The following SGCD variants were observed in gnomAD, a reference collection of about 807,000 sequenced individuals.
SGCD encodes delta-sarcoglycan.
In SGCD, 18 loss-of-function variants were observed where a neutral mutation model predicts 36.6. The ratio of observed to expected loss-of-function variants is 0.49; its 90% confidence interval spans 0.34 to 0.73. The LOEUF is 0.73. Ranked by LOEUF, SGCD falls within the 30% of genes least tolerant of loss-of-function variation. The pLI, the probability that SGCD is intolerant of heterozygous loss-of-function variation, is 0.01. For missense variants in SGCD, 387 were observed against 346.7 expected (o/e 1.12, Z -0.92); for synonymous variants, 133 against 130.6 (o/e 1.02, Z -0.12).
At chr5:156,506,599 A>G (rs1393095283) in intron 3 of SGCD, among the ~76,000 whole-genome samples, 1 of 152,184 alleles carries the variant, frequency 6.6e-6, no homozygotes, top group Non-Finnish European at 1.5e-5. Context: ...CTACGTGGCT[A>G]TATTAAAAGG....
chr5:156,259,587 C>T (rs1163883572), intron 3 of SGCD, among the ~76,000 whole-genome samples: 1 of 151,974 alleles, frequency 6.6e-6, no homozygotes, highest in East Asian at 1.9e-4. Flanking sequence ...GGTTTGTGAT[C>T]CATATCAAAT....
intron 1 of SGCD, among the ~76,000 whole-genome samples, chr5:156,075,745 A>G (rs568512632): frequency 8.5e-5 from 13 of 152,340 alleles, no homozygotes; most frequent in African/African-American, 2.9e-4. Context: ...TGTTAAGAAC[A>G]ATACAGAAGT....
At chr5:156,435,117 A>G (rs1753189245) in intron 3 of SGCD, among the ~76,000 whole-genome samples, 1 of 152,236 alleles carries the variant, frequency 6.6e-6, no homozygotes, top group African/African-American at 2.4e-5. Flanking sequence ...TAATTCCTGT[A>G]GAAATGTTCT....
chr5:156,428,212 T>G (rs571779620), intron 3 of SGCD, among the ~76,000 whole-genome samples: 2 of 152,204 alleles, frequency 1.3e-5, no homozygotes, highest in South Asian at 4.1e-4. Flanking sequence ...ATTTCAATCT[T>G]GCTGCTTGTT....
At chr5:156,224,851 T>C (rs546116055) in intron 3 of SGCD, among the ~76,000 whole-genome samples, 60 of 152,152 alleles carry the variant, frequency 3.9e-4, no homozygotes, top group Non-Finnish European at 8.2e-4. Context: ...TTTCAAAATA[T>C]GTAGGAAAAT....
chr5:156,014,976 A>G (rs767589133), intron 1 of SGCD, among the ~76,000 whole-genome samples: 3 of 152,146 alleles, frequency 2.0e-5, no homozygotes, highest in Non-Finnish European at 2.9e-5. Context: ...TGTCGTGACC[A>G]TCTCCCCTTC....
chr5:155,898,862 G>A (rs1450310520), intron 1 of SGCD, among the ~76,000 whole-genome samples: 1 of 152,182 alleles, frequency 6.6e-6, no homozygotes, highest in Non-Finnish European at 1.5e-5. Flanking sequence ...GTGACTCCTA[G>A]ATGCTGCTAA....
intron 1 of SGCD, among the ~76,000 whole-genome samples, chr5:156,099,369 A>G (rs538487887): frequency 2.6e-5 from 4 of 152,228 alleles, no homozygotes; most frequent in Admixed American, 2.0e-4. Flanking sequence ...TATCTCATAA[A>G]CAGATGCTTA....
chr5:156,463,632 A>T (rs1221420281), intron 3 of SGCD, among the ~76,000 whole-genome samples: 1 of 152,174 alleles, frequency 6.6e-6, no homozygotes, highest in Non-Finnish European at 1.5e-5. Context: ...TCAAGAGCAT[A>T]AGATTGTGCC....
chr5:156,639,801 C>A (rs1762961712), intron 6 of SGCD, among the ~76,000 whole-genome samples: 1 of 152,012 alleles, frequency 6.6e-6, no homozygotes, highest in Non-Finnish European at 1.5e-5. Flanking sequence ...TTCTGTGTTA[C>A]CCCATTCCTG....
At chr5:156,644,820 A>G (rs1763167726) in intron 6 of SGCD, among the ~76,000 whole-genome samples, 2 of 152,140 alleles carry the variant, frequency 1.3e-5, no homozygotes. Context: ...GACATCTGGG[A>G]CACTTTGAGT....
At chr5:156,084,828 T>C (rs1410845528) in intron 1 of SGCD, among the ~76,000 whole-genome samples, 1 of 152,218 alleles carries the variant, frequency 6.6e-6, no homozygotes, top group African/African-American at 2.4e-5. Context: ...ATACAGGTTT[T>C]TCCGTGGATT....
chr5:156,554,805 GAAGC>G (rs1758951871), intron 4 of SGCD, among the ~76,000 whole-genome samples: 1 of 151,988 alleles, frequency 6.6e-6, no homozygotes, highest in Non-Finnish European at 1.5e-5. Context: ...CTTACTGAGG[GAAGC>G]AATCCAAGTG....
In SGCD at chr5:156,059,717, T is replaced by C. The variant is rs192812549; in HGVS notation, c.-281-58161T>C. Among the ~76,000 whole-genome samples, 300 of 146,852 alleles carry C rather than the reference T, an allele frequency of 2.0e-3. 13 individuals are homozygous for C. The highest frequency in any genetic ancestry group is 7.2e-3 in the African/African-American group (293 of 40,892). On this transcript the variant is annotated intron_variant, in intron 1 of 9. Transcript: ENST00000517913. ...CCCCATTTGTAAAACAGAGAAACAA[T>C]AATGGCACTTCACAGGTTTGGTAGT...
intron 4 of SGCD, among the ~76,000 whole-genome samples, chr5:156,545,934 T>C (rs1199857635): frequency 1.3e-5 from 2 of 152,206 alleles, no homozygotes; most frequent in African/African-American, 4.8e-5. Flanking sequence ...TATGACAAAT[T>C]ACCCAGTGTG....
chr5:156,693,437 C>A (rs1399325991), intron 7 of SGCD, among the ~76,000 whole-genome samples: 4 of 152,164 alleles, frequency 2.6e-5, no homozygotes, highest in Non-Finnish European at 4.4e-5. Context: ...ACTACATGAA[C>A]TGACCTCTAT....
the SGCD span, among the ~76,000 whole-genome samples, chr5:155,743,482 A>G: frequency 3.3e-5 from 5 of 152,368 alleles, no homozygotes; most frequent in African/African-American, 4.8e-5. Flanking sequence ...ACTAAGAGCA[A>G]TGTATTTGGG....
At chr5:156,255,583 T>C (rs1459767001) in intron 3 of SGCD, among the ~76,000 whole-genome samples, 1 of 152,156 alleles carries the variant, frequency 6.6e-6, no homozygotes, top group Non-Finnish European at 1.5e-5. Flanking sequence ...CTTGAGTCAG[T>C]TGTGATTAAT....
chr5:155,790,599 C>T, the SGCD span, among the ~76,000 whole-genome samples: 1 of 151,976 alleles, frequency 6.6e-6, no homozygotes, highest in Admixed American at 6.6e-5. Context: ...AAAAGAAACT[C>T]CAAACCCTAA....
Sources: allele counts gnomAD v4.1 joint callset (sites outside exome capture counted in the v4.1 genomes callset), GRCh38; gene constraint gnomAD v4.1.1; transcripts MANE v1.5; gene names NCBI Gene and HGNC (gene_info 2026-07-23, HGNC 2026-07-21).